Variants in DAB1 observed in about 807,000 individuals in gnomAD.
DAB1 encodes the protein DAB adaptor protein 1, also known as disabled homolog 1.
DAB1 carries 15 observed loss-of-function variants against 64.6 expected under a neutral mutation model. The observed-to-expected ratio is 0.23, with a 90% CI of 0.16 to 0.36. DAB1 has a LOEUF of 0.36. DAB1 is among the 10% of genes least tolerant of loss of function. DAB1 has a pLI of 1.00. For synonymous variants in DAB1, 235 were observed against 251.9 expected, an observed-to-expected ratio of 0.93 and a Z score of 0.64; for missense variants, 596 against 706.7, an observed-to-expected ratio of 0.84 and a Z score of 1.78.
At chr1:57,154,236 T>C (rs1312452768) in intron 2 of DAB1, among the ~76,000 whole-genome samples, 2 of 152,176 alleles carry the variant, frequency 1.3e-5, no homozygotes, top group Non-Finnish European at 1.5e-5. Context: ...TCTCCAGCTC[T>C]ATGAATTCAA....
intron 5 of DAB1, among the ~76,000 whole-genome samples, chr1:57,914,532 T>C (rs1644696971): frequency 6.6e-6 from 1 of 151,978 alleles, no homozygotes; most frequent in Admixed American, 6.5e-5. Flanking sequence ...GTAACAAACC[T>C]GCACGTTGTG....
chr1:57,811,726 T>C (rs943193441), intron 6 of DAB1, among the ~76,000 whole-genome samples: 9 of 152,284 alleles, frequency 5.9e-5, no homozygotes, highest in African/African-American at 1.9e-4. Flanking sequence ...CCCTGCTCCA[T>C]CCCTAGTGCT....
At chr1:58,066,426 CA>C (rs1303429201) in intron 5 of DAB1, among the ~76,000 whole-genome samples, 1 of 152,118 alleles carries the variant, frequency 6.6e-6, no homozygotes, top group Non-Finnish European at 1.5e-5. Context: ...TTTAATTAAC[CA>C]AAACCACTCC....
rs189412638 is a variant in DAB1, at chr1:57,289,163, C to T, written c.67+1801G>A. Among the ~76,000 whole-genome samples, 18 of 152,200 alleles carry T rather than the reference C, an allele frequency of 1.2e-4. No individual in the cohort carries two copies. In the East Asian group the frequency reaches 3.5e-3, roughly 29 times the overall value. On this transcript the variant is annotated intron_variant, in intron 2 of 14. Transcript: ENST00000371236. ...AAAGGGTCACCTTCATGCTCTCATC[C>T]CAAATCCCCAACTGAGCCAATGTCC...
intron 6 of DAB1, among the ~76,000 whole-genome samples, chr1:57,806,706 G>A (rs1266187665): frequency 1.3e-5 from 2 of 152,042 alleles, no homozygotes; most frequent in African/African-American, 4.8e-5. Flanking sequence ...CCATCTACCT[G>A]GAATAGTCTT....
At chr1:57,232,284 C>CTTTT (rs74940041) in intron 2 of DAB1, among the ~76,000 whole-genome samples, 38,026 of 81,292 alleles carry the variant, frequency 0.47, 11,266 homozygotes, top group Middle Eastern at 0.59. Context: ...GCAGTGGCCA[C>CTTTT]TTTTTTTTTT....
At chr1:58,332,015 G>A (rs1249998648) in intron 4 of DAB1, among the ~76,000 whole-genome samples, 2 of 152,104 alleles carry the variant, frequency 1.3e-5, no homozygotes, top group Non-Finnish European at 2.9e-5. Context: ...ATATAACACT[G>A]TCTATATTCA....
chr1:58,183,924 C>A (rs1656931617), intron 4 of DAB1, among the ~76,000 whole-genome samples: 1 of 151,818 alleles, frequency 6.6e-6, no homozygotes, highest in Admixed American at 6.6e-5. Flanking sequence ...TTGTGACTTG[C>A]AACCATTATT....
rs1558487262 is a variant in DAB1, at chr1:57,553,454, A to AAGAAAGAAAGAAAGAAAGAG, written n.625+96137_625+96138insCTCTTTCTTTCTTTCTTTCT. On this transcript the variant is annotated intron_variant and non_coding_transcript_variant, in intron 7 of 20. Coordinates refer to the DAB1 transcript ENST00000485760. ...AGAAAGAAAGAAAGAGAAAGAAAGA[A>AAGAAAGAAAGAAAGAAAGAG]AGAAAGAGAAAGGGAAAGAAAGGAA... is the stretch of plus-strand genomic sequence containing the variant. Among the ~76,000 whole-genome samples the AAGAAAGAAAGAAAGAAAGAG allele has an allele frequency of 8.0e-5, 11 of 137,188 alleles. 1 individual carries two copies. Among genetic ancestry groups the AAGAAAGAAAGAAAGAAAGAG allele is most frequent in the African/African-American group, 3.1e-4 (11 of 35,656 alleles). 90.0% of individuals were successfully genotyped at this position (137,188 alleles called of 152,430 possible).
chr1:57,516,404 TG>T (rs1472912377), intron 7 of DAB1, among the ~76,000 whole-genome samples: 1 of 152,228 alleles, frequency 6.6e-6, no homozygotes, highest in African/African-American at 2.4e-5. Flanking sequence ...GAGACTTTCT[TG>T]AATCTCGAAA....
chr1:58,523,716 G>A (rs1039897813), intron 2 of DAB1, among the ~76,000 whole-genome samples: 8 of 152,204 alleles, frequency 5.3e-5, no homozygotes, highest in Middle Eastern at 3.4e-3. Flanking sequence ...TGGCTAACAC[G>A]GTGAAACCCC....
chr1:58,275,535 T>C (rs1661423160), intron 4 of DAB1, among the ~76,000 whole-genome samples: 1 of 152,142 alleles, frequency 6.6e-6, no homozygotes, highest in Non-Finnish European at 1.5e-5. Context: ...AAAGAATATA[T>C]ACAAATGTCT....
chr1:58,442,492 G>A (rs904416263), intron 3 of DAB1, among the ~76,000 whole-genome samples: 4 of 152,192 alleles, frequency 2.6e-5, no homozygotes, highest in South Asian at 2.1e-4. Flanking sequence ...TTATTCTTTC[G>A]CTAGGTATCC....
At chr1:57,294,354 C>A (rs1201135914) in intron 1 of DAB1, among the ~76,000 whole-genome samples, 3 of 152,124 alleles carry the variant, frequency 2.0e-5, no homozygotes, top group African/African-American at 7.2e-5. Context: ...ATGTAACATT[C>A]CACTACAGAC....
intron 1 of DAB1, among the ~76,000 whole-genome samples, chr1:57,414,311 C>A (rs1017168441): frequency 3.9e-5 from 6 of 152,238 alleles, no homozygotes; most frequent in Admixed American, 1.3e-4. Context: ...TCAGTAACCA[C>A]CACCTTAATC....
intron 5 of DAB1, among the ~76,000 whole-genome samples, chr1:58,083,018 G>T (rs1650093158): frequency 6.6e-6 from 1 of 152,128 alleles, no homozygotes; most frequent in Non-Finnish European, 1.5e-5. Flanking sequence ...TGTGATTTTT[G>T]ATAAGCGGTA....
At chr1:57,356,864 G>C (rs1239004890) in intron 1 of DAB1, among the ~76,000 whole-genome samples, 1 of 151,898 alleles carries the variant, frequency 6.6e-6, no homozygotes, top group Non-Finnish European at 1.5e-5. Context: ...AGAGAAGAAA[G>C]CCACCACCGG....
chr1:57,737,311 C>G (rs1449574479), intron 6 of DAB1, among the ~76,000 whole-genome samples: 1 of 152,176 alleles, frequency 6.6e-6, no homozygotes, highest in Non-Finnish European at 1.5e-5. Context: ...TGGATCTGAA[C>G]AGGCAAGCAT....
intron 4 of DAB1, among the ~76,000 whole-genome samples, chr1:58,258,613 A>C (rs1385199526): frequency 6.6e-6 from 1 of 152,192 alleles, no homozygotes; most frequent in Non-Finnish European, 1.5e-5. Flanking sequence ...GCAAAACTGG[A>C]CACAGAGATA....
Sources: gnomAD v4.1 joint callset for allele counts (sites outside exome capture counted in the v4.1 genomes callset) on GRCh38, gnomAD v4.1.1 for gene constraint, MANE v1.5 for transcripts, NCBI Gene and HGNC (gene_info 2026-07-23, HGNC 2026-07-21) for gene names.